GRIN2B: variants seen among roughly 807,000 people sequenced by gnomAD.
The protein encoded by GRIN2B is glutamate ionotropic receptor NMDA type subunit 2B, also known as glutamate receptor ionotropic, NMDA 2B.
In GRIN2B, 5 loss-of-function variants were observed where a neutral mutation model predicts 114.5. That is an observed-to-expected ratio of 0.04 (90% CI 0.02 to 0.09). The LOEUF (loss-of-function observed/expected upper bound fraction) is 0.09. Among genes scored for constraint, GRIN2B ranks in the 10% least tolerant of loss-of-function variants. GRIN2B has a pLI of 1.00. For synonymous variants in GRIN2B, 787 were observed against 745.1 expected (o/e 1.06, Z -0.92); for missense variants, 1,108 against 1,943.5 (o/e 0.57, Z 8.08).
At chr12:13,617,545 A>C (rs886258158) in intron 5 of GRIN2B, among the ~76,000 whole-genome samples, 3 of 152,250 alleles carry the variant, frequency 2.0e-5, no homozygotes, top group Non-Finnish European at 4.4e-5. Context: ...TAAGGGAATC[A>C]ACATGGCTTT....
At chr12:13,690,561 A>G (rs1360879749) in intron 4 of GRIN2B, among the ~76,000 whole-genome samples, 1 of 152,078 alleles carries the variant, frequency 6.6e-6, no homozygotes, top group Non-Finnish European at 1.5e-5. Context: ...CTCTTTTTAA[A>G]CTTCTCCCTT....
chr12:13,827,264 A>G (rs1173439891), intron 3 of GRIN2B, among the ~76,000 whole-genome samples: 1 of 107,716 alleles, frequency 9.3e-6, no homozygotes, highest in Non-Finnish European at 1.9e-5. Flanking sequence ...GATTTACTGA[A>G]CTTCTTAAAT....
At chr12:13,609,927 G>A (rs527526440) in intron 9 of GRIN2B, 2 of 152,340 alleles carry the variant, frequency 1.3e-5, no homozygotes, top group East Asian at 1.9e-4. Flanking sequence ...TTCTGCCCAT[G>A]TATGTATTGT....
chr12:13,623,690 C>G (rs1218208699), intron 5 of GRIN2B, among the ~76,000 whole-genome samples: 2 of 152,140 alleles, frequency 1.3e-5, no homozygotes, highest in Non-Finnish European at 2.9e-5. Context: ...GATAGTAACC[C>G]TTCATCTCTC....
chr12:13,693,666 A>G (rs563186953), intron 4 of GRIN2B, among the ~76,000 whole-genome samples: 1 of 152,304 alleles, frequency 6.6e-6, no homozygotes, highest in South Asian at 2.1e-4. Context: ...CCTGCTTCAT[A>G]GTATGCATTT....
chr12:13,940,735 CA>C (rs61468014), intron 2 of GRIN2B, among the ~76,000 whole-genome samples: 14,985 of 152,068 alleles, frequency 0.099, 1,482 homozygotes, highest in East Asian at 0.42. Context: ...AAAAAGGGAG[CA>C]GGGGTGAAAT....
At chr12:13,637,054 G>C (rs778136572) in intron 5 of GRIN2B, among the ~76,000 whole-genome samples, 2 of 152,142 alleles carry the variant, frequency 1.3e-5, no homozygotes, top group Non-Finnish European at 2.9e-5. Context: ...ATATATCTCA[G>C]TAGAAATATT....
intron 4 of GRIN2B, among the ~76,000 whole-genome samples, chr12:13,711,463 T>G (rs1377298269): frequency 6.6e-6 from 1 of 151,918 alleles, no homozygotes; most frequent in Non-Finnish European, 1.5e-5. Flanking sequence ...GGGAGAAAAT[T>G]TTTGCAATCT....
At chr12:13,645,423 G>T (rs1351212069) in intron 5 of GRIN2B, among the ~76,000 whole-genome samples, 1 of 152,012 alleles carries the variant, frequency 6.6e-6, no homozygotes, top group Non-Finnish European at 1.5e-5. Flanking sequence ...CACCATAACA[G>T]ATATAATAAT....
intron 3 of GRIN2B, among the ~76,000 whole-genome samples, chr12:13,841,868 T>C (rs950014369): frequency 1.3e-5 from 2 of 152,126 alleles, no homozygotes; most frequent in Non-Finnish European, 2.9e-5. Context: ...ATATCCTTTG[T>C]TTTTTTAAAA....
chr12:13,846,319 A>G (rs1865471612), intron 3 of GRIN2B, among the ~76,000 whole-genome samples: 1 of 152,226 alleles, frequency 6.6e-6, no homozygotes, highest in Non-Finnish European at 1.5e-5. Flanking sequence ...CATCCGCTAC[A>G]TTGCCCATAA....
chr12:13,911,084 C>T (rs899524954), intron 2 of GRIN2B, among the ~76,000 whole-genome samples: 3 of 152,110 alleles, frequency 2.0e-5, no homozygotes, highest in East Asian at 1.9e-4. Flanking sequence ...GATACCTCTA[C>T]TGTCGCACCT....
Position 13,834,197 on chromosome 12 carries a change from A to ATTTTTTTTTTTTTTTTTTTTTT in GRIN2B, c.411+31600_411+31601insAAAAAAAAAAAAAAAAAAAAAA, listed in dbSNP as rs756189402. Among the ~76,000 whole-genome samples the ATTTTTTTTTTTTTTTTTTTTTT allele has an allele frequency of 1.8e-3, 197 of 111,418 alleles. 7 individuals carry two copies. Among genetic ancestry groups the ATTTTTTTTTTTTTTTTTTTTTT allele is most frequent in the African/African-American group, 6.0e-3 (166 of 27,464 alleles). The allele number at this position is 111,418 out of a possible 152,430, so 73.1% of individuals were successfully genotyped here. A position where few individuals can be genotyped will look rare whatever the true frequency, so the allele number is the denominator to read the frequency against. ...AGGTGCCCACCACCACGCCTGGCTA[A>ATTTTTTTTTTTTTTTTTTTTTT]TTTTTTTTTTTTTTTTTTTTTAGTA... On this transcript the variant is annotated intron_variant, in intron 3 of 13. Transcript: ENST00000609686.
chr12:13,821,373 C>A (rs1864933290), intron 3 of GRIN2B, among the ~76,000 whole-genome samples: 1 of 152,188 alleles, frequency 6.6e-6, no homozygotes, highest in Admixed American at 6.5e-5. Flanking sequence ...GGAGCTAATT[C>A]TTGGCCCCAA....
At chr12:13,649,783 T>C (rs1245605443) in intron 5 of GRIN2B, among the ~76,000 whole-genome samples, 1 of 152,108 alleles carries the variant, frequency 6.6e-6, no homozygotes, top group Non-Finnish European at 1.5e-5. Flanking sequence ...GGTATGACCT[T>C]GCACTAAATC....
Position 13,544,526 on chromosome 12 carries a change from A to G in GRIN2B, c.*18257T>C, listed in dbSNP as rs545908632. 3 of 152,240 alleles carry G rather than the reference A, an allele frequency of 2.0e-5. No individual in the cohort carries two copies. Among genetic ancestry groups the G allele is most frequent in the African/African-American group, 7.2e-5 (3 of 41,540 alleles). 9.4% of individuals were successfully genotyped at this position (152,240 alleles called of 1,614,324 possible). On this transcript the variant is annotated 3_prime_UTR_variant, in exon 14 of 14. Coordinates refer to ENST00000609686, the MANE Select transcript of GRIN2B (RefSeq NM_000834.5). ...CCCTGAACTCCAGGTCCATATATCT[A>G]ATTGCCTAATCATCATTTCTACTTG...
chr12:13,696,739 G>T (rs1286312548), intron 4 of GRIN2B, among the ~76,000 whole-genome samples: 1 of 152,058 alleles, frequency 6.6e-6, no homozygotes, highest in African/African-American at 2.4e-5. Flanking sequence ...GCTGTATGTT[G>T]CCATCCTCTT....
At chr12:13,706,876 T>C (rs907695874) in intron 4 of GRIN2B, among the ~76,000 whole-genome samples, 3 of 152,050 alleles carry the variant, frequency 2.0e-5, no homozygotes, top group Non-Finnish European at 4.4e-5. Flanking sequence ...CTTCTTTCCC[T>C]TTGATGCAGG....
At chr12:13,976,795 C>T (rs1288948657) in intron 2 of GRIN2B, among the ~76,000 whole-genome samples, 1 of 152,042 alleles carries the variant, frequency 6.6e-6, no homozygotes. Context: ...AAATCCTGCC[C>T]CCAGGGTTTA....
Sources: allele counts gnomAD v4.1 joint callset (sites outside exome capture counted in the v4.1 genomes callset), GRCh38; gene constraint gnomAD v4.1.1; transcripts MANE v1.5; gene names NCBI Gene and HGNC (gene_info 2026-07-23, HGNC 2026-07-21).